Variants in MRC1 observed in about 807,000 individuals in gnomAD.
MRC1 encodes mannose receptor C-type 1, also known as macrophage mannose receptor 1.
In MRC1, 62 loss-of-function variants were observed where a neutral mutation model predicts 102.9. That is an observed-to-expected ratio of 0.60 (90% CI 0.49 to 0.74). The LOEUF (loss-of-function observed/expected upper bound fraction) is 0.74. MRC1 is among the 30% of genes least tolerant of loss of function. The pLI is 0.00. For missense variants in MRC1, 1,237 were observed against 862.8 expected (o/e 1.43, Z -5.43); for synonymous variants, 457 against 298.4 (o/e 1.53, Z -5.48).
In MRC1 at chr10:17,880,292, C is replaced by T. The variant is rs991932052; in HGVS notation, c.2720-233C>T. ...TACCATTTAGGTAATATATCTGCAA[C>T]ATCATGTACATGTTTGGTTCATAGG... On this transcript the variant is annotated intron_variant, in intron 19 of 29. Coordinates refer to ENST00000569591, the MANE Select transcript of MRC1 (RefSeq NM_002438.4). Among the ~76,000 whole-genome samples, 427 of 152,214 alleles carry T rather than the reference C, an allele frequency of 2.8e-3. 2 individuals are homozygous for T. Among genetic ancestry groups the T allele is most frequent in the Non-Finnish European group, 5.2e-3 (357 of 68,008 alleles).
chr10:17,845,610 T>A (rs1366548089), intron 6 of MRC1, among the ~76,000 whole-genome samples, 175 bp downstream of exon 6: 1 of 152,168 alleles, frequency 6.6e-6, no homozygotes, highest in African/African-American at 2.4e-5. Flanking sequence ...ATTTCCTGAG[T>A]GTGCGGCGGT....
At chr10:17,819,449 TTGTATGTGTGTGTG>T (rs1313554469) in intron 1 of MRC1, among the ~76,000 whole-genome samples, 1,170 of 99,052 alleles carry the variant, frequency 0.012, 6 homozygotes, top group Non-Finnish European at 0.013. Flanking sequence ...GAATTCAGAG[TTGTATGTGTGTGTG>T]TGTGTGTGTG....
intron 26 of MRC1, among the ~76,000 whole-genome samples, chr10:17,905,320 G>A (rs1163809712): frequency 1.3e-5 from 2 of 152,118 alleles, no homozygotes; most frequent in African/African-American, 2.4e-5. Context: ...TTGCATAAAT[G>A]CTTCTTGAAT....
Position 17,833,714 on chromosome 10 carries a change from C to T in MRC1, c.677C>T (p.Thr226Ile), listed in dbSNP as rs1172901314. The change falls in exon 4 of 30, where the codon ACC becomes ATC. Residue 226 changes from threonine (T) to isoleucine (I), a missense_variant. By Grantham distance (89) the Thr-to-Ile change is moderately conservative (BLOSUM62 -1). Coordinates refer to ENST00000569591, the MANE Select transcript of MRC1 (RefSeq NM_002438.4). ...SESLWNKDPL[T>I]SVSYQINSKS... ...AGCTTATGGAATAAAGACCCGCTGA[C>T]CAGCGTTTCCTACCAGATAAACTCC... 2 of 780,904 alleles carry T rather than the reference C, an allele frequency of 2.6e-6. No homozygotes were observed. Among genetic ancestry groups the T allele is most frequent in the African/African-American group, 3.4e-5 (2 of 59,114 alleles). The allele number at this position is 780,904 out of a possible 1,614,324, so 48.4% of individuals were successfully genotyped here.
chr10:17,824,376 A>G (rs1407244274), intron 2 of MRC1, among the ~76,000 whole-genome samples: 1 of 152,194 alleles, frequency 6.6e-6, no homozygotes, highest in African/African-American at 2.4e-5. Flanking sequence ...TTTGGGGACA[A>G]GAGATAACCT....
intron 4 of MRC1, among the ~76,000 whole-genome samples, chr10:17,838,101 T>C (rs1271326658): frequency 6.6e-6 from 1 of 152,152 alleles, no homozygotes; most frequent in Non-Finnish European, 1.5e-5. Context: ...ACTTGCTTAA[T>C]GCCTCCTGTT....
chr10:17,892,911 G>A (rs1256412474), intron 22 of MRC1, among the ~76,000 whole-genome samples: 4 of 151,508 alleles, frequency 2.6e-5, no homozygotes, highest in African/African-American at 4.9e-5. Flanking sequence ...TCGGGAGGCC[G>A]AGGCAGAAGA....
chr10:17,870,679 CA>C (rs1425173862), intron 13 of MRC1, among the ~76,000 whole-genome samples, 168 bp from the exon 14 acceptor site: 1 of 152,066 alleles, frequency 6.6e-6, no homozygotes, highest in Non-Finnish European at 1.5e-5. Flanking sequence ...TGGGATATAC[CA>C]AAATGCACAT....
rs1833904278 is a variant in MRC1 at position 17,907,013 on chromosome 10, C to T, written c.3913+14C>T. On this transcript the variant is annotated intron_variant, in intron 27 of 29. Transcript: ENST00000569591. ...GAAATGTTGAAGGTAATTTTTGCAGCATGCTTATTTAATCACAAATATTGT... is the reference window on the plus strand; with the variant it reads ...GAAATGTTGAAGGTAATTTTTGCAGTATGCTTATTTAATCACAAATATTGT... 1 of 780,380 alleles carries T rather than the reference C, an allele frequency of 1.3e-6. No individual in the cohort carries two copies. The highest frequency in any genetic ancestry group is 2.4e-6 in the Non-Finnish European group (1 of 417,794). 48.3% of individuals were successfully genotyped at this position (780,380 alleles called of 1,614,324 possible).
chr10:17,822,938 C>G, intron 1 of MRC1, 136 bp from the exon 2 acceptor site: 1 of 672,408 alleles, frequency 1.5e-6, no homozygotes, highest in Non-Finnish European at 2.7e-6. Context: ...ATCAGTACCT[C>G]TTTTCCTGCA....
At position 17,844,939 on chromosome 10, in the gene MRC1, G is replaced by T. The variant is rs561332320; in HGVS notation, c.917-350G>T. Among the ~76,000 whole-genome samples the T allele has an allele frequency of 2.6e-5, 4 of 152,216 alleles. No individual in the cohort carries two copies. In the South Asian group the frequency reaches 8.3e-4, roughly 32 times the overall value. On this transcript the variant is annotated intron_variant, in intron 5 of 29. Coordinates refer to ENST00000569591, the MANE Select transcript of MRC1 (RefSeq NM_002438.4). The stretch of plus-strand genomic sequence containing the variant: ...TTTTTTTTTATGGCGGCATAATCAT[G>T]CATTCTTTTCATTAGGTACCTCTCT...
intron 1 of MRC1, among the ~76,000 whole-genome samples, chr10:17,811,659 A>C (rs1838224815): frequency 6.6e-6 from 1 of 152,160 alleles, no homozygotes; most frequent in Non-Finnish European, 1.5e-5. Flanking sequence ...ATCTGGGCTC[A>C]TGCAATCCTC....
chr10:17,869,131 A>C lies in MRC1; in HGVS notation c.1984-1115A>C, dbSNP rs1157678024. On this transcript the variant is annotated intron_variant, in intron 12 of 29. Transcript: ENST00000569591. ...TTCAACAAATCAAAATATGTGCTTGACTAGAAATTAGGTGGTTTTACAGGT... is the reference window on the plus strand; with the variant it reads ...TTCAACAAATCAAAATATGTGCTTGCCTAGAAATTAGGTGGTTTTACAGGT... Among the ~76,000 whole-genome samples, 10 of 152,268 alleles carry C rather than the reference A, an allele frequency of 6.6e-5. No homozygotes were observed. The East Asian group carries it at 1.7e-3, about 26-fold the overall frequency.
rs1554838433 is a variant in MRC1, at chr10:17,823,433, A to G, written c.421A>G (p.Ile141Val). Residue 141 changes from isoleucine to valine, a missense_variant, in exon 2 of 30, where the codon ATC becomes GTC. Transcript: ENST00000569591. ...KGSGLWSRWK[I>V]YGTTDNLCSR... is the part of the protein sequence containing the mutation. ...ATCGGGTTTATGGAGCAGGTGGAAGATCTATGGAACCACAGACAATCTGTG... is the reference window on the plus strand; with the variant it reads ...ATCGGGTTTATGGAGCAGGTGGAAGGTCTATGGAACCACAGACAATCTGTG... The G allele has an allele frequency of 2.6e-6, 2 of 780,864 alleles. No homozygotes were observed. Among genetic ancestry groups the G allele is most frequent in the South Asian group, 2.7e-5 (2 of 74,618 alleles). The allele number at this position is 780,864 out of a possible 1,614,324, so 48.4% of individuals were successfully genotyped here.
intron 16 of MRC1, among the ~76,000 whole-genome samples, chr10:17,874,640 C>T (rs995333900): frequency 6.6e-6 from 1 of 151,816 alleles, no homozygotes; most frequent in Non-Finnish European, 1.5e-5. Context: ...CCACTTGATA[C>T]GTGAATTCCT....
chr10:17,828,793 G>C (rs1838523368), intron 3 of MRC1, among the ~76,000 whole-genome samples: 1 of 151,672 alleles, frequency 6.6e-6, no homozygotes, highest in South Asian at 2.1e-4. Flanking sequence ...CATTATCTTA[G>C]TGGGAAAGCA....
At chr10:17,885,638 G>T (rs948133564) in intron 22 of MRC1, among the ~76,000 whole-genome samples, 8 of 152,114 alleles carry the variant, frequency 5.3e-5, no homozygotes, top group Non-Finnish European at 1.2e-4. Context: ...TGAGGAAGTG[G>T]CAATAGTGAG....
At chr10:17,869,562 T>C (rs1833325531) in intron 12 of MRC1, among the ~76,000 whole-genome samples, 1 of 152,350 alleles carries the variant, frequency 6.6e-6, no homozygotes, top group Non-Finnish European at 1.5e-5. Flanking sequence ...AGACCGTCAC[T>C]GTTGACTGCA....
At position 17,856,539 on chromosome 10, in the gene MRC1, A is replaced by G. The variant is rs1462956088; in HGVS notation, c.1518+187A>G. On this transcript the variant is annotated intron_variant, in intron 9 of 29. Coordinates refer to ENST00000569591, the MANE Select transcript of MRC1 (RefSeq NM_002438.4). Reference sequence around the variant, plus strand: ...TTAAAGTTTTCTTGGGGAATTCTCTATAGTTAATACAGAGGTACACAAGGC... The same window carrying G: ...TTAAAGTTTTCTTGGGGAATTCTCTGTAGTTAATACAGAGGTACACAAGGC... Among the ~76,000 whole-genome samples, 4 of 152,282 alleles carry G rather than the reference A, an allele frequency of 2.6e-5. No homozygotes were observed. In the East Asian group the frequency reaches 7.7e-4, roughly 29 times the overall value.
Sources: gnomAD v4.1 joint callset for allele counts (sites outside exome capture counted in the v4.1 genomes callset) on GRCh38, gnomAD v4.1.1 for gene constraint, MANE v1.5 for transcripts, NCBI Gene and HGNC (gene_info 2026-07-23, HGNC 2026-07-21) for gene names.